Variants in RAD54L observed in about 807,000 individuals in gnomAD.
RAD54L encodes the protein DNA repair and recombination protein RAD54-like.
In RAD54L, 74 loss-of-function variants were observed where a neutral mutation model predicts 91.6. The ratio of observed to expected loss-of-function variants is 0.81; its 90% CI spans 0.67 to 0.98. RAD54L has a LOEUF of 0.98. RAD54L is among the 50% of genes least tolerant of loss of function. The pLI is 0.00. For synonymous variants in RAD54L, 304 were observed against 349.7 expected (o/e 0.87, Z 1.46); for missense variants, 887 against 945.7 (o/e 0.94, Z 0.81).
chr1:46,277,594 T>C (rs1015176316), intron 16 of RAD54L: 37 of 594,058 alleles, frequency 6.2e-5, no homozygotes, highest in South Asian at 1.2e-4. Flanking sequence ...TTCATTAGTA[T>C]AGAAAGTAGC....
At chr1:46,262,282 C>T (rs1660151407) in intron 8 of RAD54L, among the ~76,000 whole-genome samples, 1 of 152,072 alleles carries the variant, frequency 6.6e-6, no homozygotes, top group South Asian at 2.1e-4. Flanking sequence ...TGGTGGGTGC[C>T]TGTAATCCCA....
At chr1:46,274,910 T>A (rs1208873163) in intron 16 of RAD54L, among the ~76,000 whole-genome samples, 193 bp downstream of exon 16, 1 of 152,202 alleles carries the variant, frequency 6.6e-6, no homozygotes, top group East Asian at 1.9e-4. Flanking sequence ...CCATTCTTAC[T>A]GTGCCATCTG....
intron 3 of RAD54L, among the ~76,000 whole-genome samples, chr1:46,255,319 G>A (rs1396346826): frequency 1.3e-5 from 2 of 152,172 alleles, no homozygotes; most frequent in East Asian, 3.9e-4. Context: ...GCAGAAATGG[G>A]AAGCTTTAGC....
rs771339264 is a variant in RAD54L at position 46,259,973 on chromosome 1, G to A, written c.281G>A (p.Gly94Asp). 6.2e-7 allele frequency: 1 copy of A among 1,614,084 alleles called. No individual in the cohort carries two copies. The highest frequency in any genetic ancestry group is 8.5e-7 in the Non-Finnish European group (1 of 1,180,024). The change falls in exon 5 of 18, where the codon GGC becomes GAC. Residue 94 changes from glycine to aspartate, a missense_variant. Coordinates refer to ENST00000371975, the MANE Select transcript of RAD54L (RefSeq NM_003579.4). ...GATTATTGGTTTGTAGGTCCTCTGG[G>A]CTCTCGAGCATTGGGCCTGAAAAGG... is the stretch of plus-strand genomic sequence containing the variant. ...VPIPNYQGPLGSRALGLKRAG... is the reference protein window; with the variant it reads ...VPIPNYQGPLDSRALGLKRAG...
intron 15 of RAD54L, 143 bp downstream of exon 15, chr1:46,274,359 G>A: frequency 7.9e-7 from 1 of 1,271,792 alleles, no homozygotes; most frequent in Non-Finnish European, 1.1e-6. Context: ...GGTTGGTGAT[G>A]GCTGGGCTGG....
At chr1:46,250,782 C>T (rs1659775846) in intron 3 of RAD54L, among the ~76,000 whole-genome samples, 1 of 151,996 alleles carries the variant, frequency 6.6e-6, no homozygotes, top group African/African-American at 2.4e-5. Context: ...TGAGACCAGC[C>T]TGGCCAACAT....
Position 46,263,187 on chromosome 1 carries a change from A to G in RAD54L, c.891+1802A>G, listed in dbSNP as rs369714247. Among the ~76,000 whole-genome samples the G allele has an allele frequency of 4.9e-4, 74 of 152,316 alleles. 1 individual carries two copies. The South Asian group carries it at 0.014, about 29-fold the overall frequency. On this transcript the variant is annotated intron_variant, in intron 8 of 17. Transcript: ENST00000371975. The surrounding 1 kb of genome is among the most constrained non-coding windows in gnomAD (Gnocchi z 4.3). ...CTTCTTGTTTCTTGTTTCTGGAACT[A>G]AGGGAATATGGCCGTAGTTACTTCC...
intron 16 of RAD54L, among the ~76,000 whole-genome samples, chr1:46,275,655 C>A (rs1426230657): frequency 6.6e-6 from 1 of 152,166 alleles, no homozygotes; most frequent in East Asian, 1.9e-4. Context: ...TTCCTTCAAC[C>A]ATTTCAAGCA....
intron 14 of RAD54L, 55 bp from the exon 15 acceptor site, chr1:46,274,083 T>C: frequency 6.6e-7 from 1 of 1,523,586 alleles, no homozygotes. Flanking sequence ...TTTTTAATTT[T>C]TTTTCCCCCT....
intron 2 of RAD54L, among the ~76,000 whole-genome samples, chr1:46,249,510 G>T (rs1396885910): frequency 2.0e-5 from 3 of 152,192 alleles, no homozygotes; most frequent in African/African-American, 7.2e-5. Flanking sequence ...TCTGCATCTG[G>T]GTCTGCTGTC....
At chr1:46,275,533 A>G (rs994675267) in intron 16 of RAD54L, among the ~76,000 whole-genome samples, 1 of 149,022 alleles carries the variant, frequency 6.7e-6, no homozygotes, top group Non-Finnish European at 1.5e-5. Flanking sequence ...CCCAATACCC[A>G]TTCCAATTGG....
chr1:46,273,354 G>C lies in RAD54L; in HGVS notation c.1376-1G>C, dbSNP rs775640734. 1 of 1,608,836 alleles carries C rather than the reference G, an allele frequency of 6.2e-7. No homozygotes were observed. The highest frequency in any genetic ancestry group is 1.3e-5 in the African/African-American group (1 of 74,950). ...CTGGGTTTTGTTTTGTTTTCTCCCA[G>C]ATCCAGCTCTAATCTATGATAAGTG... On this transcript the variant is annotated splice_acceptor_variant, in intron 12 of 17. Transcript: ENST00000371975. LOFTEE classifies it high-confidence loss of function.
chr1:46,271,904 A>G (rs1660438921), intron 10 of RAD54L, among the ~76,000 whole-genome samples: 2 of 152,096 alleles, frequency 1.3e-5, no homozygotes, highest in African/African-American at 4.8e-5. Context: ...CTTCTCTTGA[A>G]GACTAGGCAA....
At chr1:46,271,812 C>T (rs1339473994) in intron 10 of RAD54L, among the ~76,000 whole-genome samples, 1 of 152,062 alleles carries the variant, frequency 6.6e-6, no homozygotes, top group Admixed American at 6.6e-5. Flanking sequence ...TGGACAAATG[C>T]AAGCAGAAAC....
chr1:46,260,828 C>T lies in RAD54L; in HGVS notation c.579C>T (p.Cys193=), dbSNP rs369978713. The change falls in exon 7 of 18, where the codon TGC becomes TGT. Residue 193 remains cysteine (C), a synonymous_variant. Transcript: ENST00000371975. ...TGGGCCTAGGAAAGACGCTGCAGTGCATCACATTGATGTGGACACTTTTAC... is the reference window on the plus strand; with the variant it reads ...TGGGCCTAGGAAAGACGCTGCAGTGTATCACATTGATGTGGACACTTTTAC... ...DEMGLGKTLQ[C]ITLMWTLLRQ... 1.2e-6 allele frequency: 2 copies of T among 1,614,126 alleles called. No individual in the cohort carries two copies.
In RAD54L at chr1:46,272,663, C is replaced by T. The variant is rs1660468157; in HGVS notation, c.1245-9C>T. 3.7e-6 allele frequency: 6 copies of T among 1,613,948 alleles called. No homozygotes were observed. Among genetic ancestry groups the T allele is most frequent in the Non-Finnish European group, 4.2e-6 (5 of 1,180,028 alleles). On this transcript the variant is annotated splice_polypyrimidine_tract_variant and intron_variant, in intron 11 of 17. Coordinates refer to ENST00000371975, the MANE Select transcript of RAD54L (RefSeq NM_003579.4). ...TAGCTTTTTCCACTGACCCAGCTGC[C>T]TTTTTTAGGCTGACACCCCTTCAGA...
chr1:46,248,337 C>T lies in RAD54L; in HGVS notation c.-69C>T. 7.5e-6 allele frequency: 12 copies of T among 1,598,004 alleles called. No homozygotes were observed. The highest frequency in any genetic ancestry group is 1.0e-5 in the Non-Finnish European group (12 of 1,168,114). On this transcript the variant is annotated 5_prime_UTR_variant, in exon 1 of 18. Coordinates refer to ENST00000371975, the MANE Select transcript of RAD54L (RefSeq NM_003579.4). ...CTACAGATTAGACCCTGGTCCTACA[C>T]TCTTAGCCGCTGCCTGCTTTTGACC... is the stretch of plus-strand genomic sequence containing the variant.
chr1:46,274,496 G>A (rs750598654), intron 15 of RAD54L, 42 bp from the exon 16 acceptor site: 10 of 1,600,736 alleles, frequency 6.2e-6, no homozygotes, highest in Non-Finnish European at 6.8e-6. Context: ...TCCCAGTTTA[G>A]GCTATAAGAG....
Position 46,258,437 on chromosome 1 carries a change from GT to G in RAD54L, c.211-248del, listed in dbSNP as rs28363207. ...AAGTCTGTGGTATTTGCTTTCCAAG[GT>G]GCTATACCCTAGGGAAGAGCTAGGT... On this transcript the variant is annotated intron_variant, in intron 3 of 17. Transcript: ENST00000371975. Among the ~76,000 whole-genome samples, 711 of 152,240 alleles carry G rather than the reference GT, an allele frequency of 4.7e-3. 5 individuals are homozygous for G. The highest frequency in any genetic ancestry group is 0.016 in the African/African-American group (650 of 41,546).
Sources: gnomAD v4.1 joint callset for allele counts (sites outside exome capture counted in the v4.1 genomes callset) on GRCh38, gnomAD v4.1.1 for gene constraint, Gnocchi (gnomAD v3.1) non-coding constraint, MANE v1.5 for transcripts, NCBI Gene and HGNC (gene_info 2026-07-23, HGNC 2026-07-21) for gene names.